The following BTRC variants were observed in gnomAD, a reference collection of about 807,000 sequenced individuals.
BTRC encodes F-box/WD repeat-containing protein 1A.
A neutral mutation model predicts 85.5 loss-of-function variants in BTRC; 42 were observed. The observed-to-expected ratio is 0.49, with a 90% CI of 0.38 to 0.64. BTRC has a LOEUF of 0.64. Among genes scored for constraint, BTRC ranks in the 30% least tolerant of loss-of-function variants. The pLI is 0.00. For synonymous variants in BTRC, 255 were observed against 263.3 expected, an observed-to-expected ratio of 0.97 and a Z score of 0.30; for missense variants, 594 against 743.5, an observed-to-expected ratio of 0.80 and a Z score of 2.34.
chr10:101,446,951 G>A (rs185082945), intron 2 of BTRC, among the ~76,000 whole-genome samples: 5 of 146,428 alleles, frequency 3.4e-5, no homozygotes, highest in Admixed American at 1.4e-4. Context: ...ATTTTTTTAT[G>A]TGTGTCCTCT....
chr10:101,366,098 CT>C (rs900399895), intron 1 of BTRC, among the ~76,000 whole-genome samples: 6 of 152,042 alleles, frequency 3.9e-5, no homozygotes, highest in Admixed American at 3.9e-4. Context: ...CATAAAACCC[CT>C]TTATGTATCC....
At chr10:101,403,533 GT>G (rs1368469541) in intron 1 of BTRC, among the ~76,000 whole-genome samples, 1 of 152,166 alleles carries the variant, frequency 6.6e-6, no homozygotes, top group Non-Finnish European at 1.5e-5. Flanking sequence ...CATCCAGTGA[GT>G]TTAAAAATTT....
rs1564729963 is a variant in BTRC, at chr10:101,366,860, T to TTAATATATATTTA, written c.48+12634_48+12635insATATATATTTATA. Among the ~76,000 whole-genome samples, 29 of 25,410 alleles carry TTAATATATATTTA rather than the reference T, an allele frequency of 1.1e-3. 5 individuals are homozygous for TTAATATATATTTA. The highest frequency in any genetic ancestry group is 2.9e-3 in the African/African-American group (29 of 9,890). The allele number at this position is 25,410 out of a possible 152,430, so 16.7% of individuals were successfully genotyped here. ...TATATTTATGTATATTAATATATAT[T>TTAATATATATTTA]TATATATTAATATATATTTATATAT... On this transcript the variant is annotated intron_variant, in intron 1 of 14. Coordinates refer to ENST00000370187, the MANE Select transcript of BTRC (RefSeq NM_033637.4).
chr10:101,366,934 AT>A, intron 1 of BTRC, among the ~76,000 whole-genome samples: 1 of 27,842 alleles, frequency 3.6e-5, no homozygotes, highest in South Asian at 7.7e-4. Flanking sequence ...ATATTTATAT[AT>A]ATTTATATAT....
intron 4 of BTRC, among the ~76,000 whole-genome samples, chr10:101,489,756 A>C (rs1001079474): frequency 5.3e-5 from 8 of 152,274 alleles, no homozygotes; most frequent in African/African-American, 1.9e-4. Context: ...TCATCTGACT[A>C]GTGTTTCTGC....
chr10:101,528,937 A>T (rs570593638), intron 6 of BTRC, among the ~76,000 whole-genome samples: 1 of 152,324 alleles, frequency 6.6e-6, no homozygotes, highest in African/African-American at 2.4e-5. Flanking sequence ...TGGATTTGAC[A>T]GTCTTCCCCT....
chr10:101,522,013 GCTTTTTT>G, intron 5 of BTRC, 143 bp downstream of exon 5: 1 of 80,792 alleles, frequency 1.2e-5, no homozygotes, highest in South Asian at 2.5e-4. Context: ...TTGATATAAA[GCTTTTTT>G]TTTTTTTTTT....
intron 4 of BTRC, among the ~76,000 whole-genome samples, chr10:101,498,819 C>T (rs890771520): frequency 2.0e-5 from 3 of 151,922 alleles, no homozygotes; most frequent in Non-Finnish European, 2.9e-5. Context: ...GGTGAAACCC[C>T]GTCTCTACTA....
chr10:101,379,362 C>G (rs1272721351), intron 1 of BTRC, among the ~76,000 whole-genome samples: 1 of 152,116 alleles, frequency 6.6e-6, no homozygotes, highest in Non-Finnish European at 1.5e-5. Flanking sequence ...TAAATGTGTT[C>G]TACTAATGTC....
At chr10:101,438,868 T>C (rs1202233211) in intron 2 of BTRC, among the ~76,000 whole-genome samples, 1 of 152,126 alleles carries the variant, frequency 6.6e-6, no homozygotes, top group East Asian at 1.9e-4. Context: ...TAACACAATA[T>C]TTGACCAAAA....
intron 4 of BTRC, among the ~76,000 whole-genome samples, chr10:101,510,458 C>G (rs977768880): frequency 6.6e-6 from 1 of 151,150 alleles, no homozygotes; most frequent in Non-Finnish European, 1.5e-5. Flanking sequence ...TGCAGTGAGC[C>G]GAGATCGCGC....
chr10:101,545,611 A>G (rs1053306027), intron 13 of BTRC, among the ~76,000 whole-genome samples: 2 of 152,230 alleles, frequency 1.3e-5, no homozygotes, highest in African/African-American at 2.4e-5. Context: ...ATGTGAAGAT[A>G]AAGGGAGAAG....
At chr10:101,510,990 C>T (rs1019141022) in intron 4 of BTRC, among the ~76,000 whole-genome samples, 2 of 152,178 alleles carry the variant, frequency 1.3e-5, no homozygotes, top group African/African-American at 4.8e-5. Flanking sequence ...CCCTCCCCAC[C>T]TTTCCAGCCC....
intron 1 of BTRC, among the ~76,000 whole-genome samples, chr10:101,403,927 T>TG (rs1943549041): frequency 6.7e-6 from 1 of 150,256 alleles, no homozygotes; most frequent in African/African-American, 2.5e-5. Flanking sequence ...GTTTCTTTGC[T>TG]GGTACTCTCT....
At chr10:101,400,913 A>G (rs1006083811) in intron 1 of BTRC, among the ~76,000 whole-genome samples, 3 of 151,848 alleles carry the variant, frequency 2.0e-5, no homozygotes, top group African/African-American at 7.3e-5. Context: ...ACTATCCTCC[A>G]TCTTTCAGAA....
intron 3 of BTRC, among the ~76,000 whole-genome samples, chr10:101,471,438 T>C (rs34711120): frequency 0.045 from 6,822 of 152,256 alleles, 216 homozygotes; most frequent in Non-Finnish European, 0.071. Flanking sequence ...ATCTGAGATA[T>C]ATAGGATTTT....
rs1351355768 is a variant in BTRC, at chr10:101,554,645, A to C, written c.*1522A>C. On this transcript the variant is annotated 3_prime_UTR_variant, in exon 15 of 15. Coordinates refer to ENST00000370187, the MANE Select transcript of BTRC (RefSeq NM_033637.4). ...TCCTCCTGACCTTATTTTGCTCTTC[A>C]CTCTCCCCAGCCAATAAAGCGTCTG... 1 of 152,302 alleles carries C rather than the reference A, an allele frequency of 6.6e-6. No individual in the cohort carries two copies. The highest frequency in any genetic ancestry group is 1.5e-5 in the Non-Finnish European group (1 of 67,984). 9.4% of individuals were successfully genotyped at this position (152,302 alleles called of 1,614,324 possible).
At chr10:101,407,939 G>A (rs1260714779) in intron 1 of BTRC, among the ~76,000 whole-genome samples, 2 of 151,130 alleles carry the variant, frequency 1.3e-5, no homozygotes, top group Non-Finnish European at 2.9e-5. Flanking sequence ...GGCCAGGATG[G>A]CCTCGATCTC....
intron 1 of BTRC, among the ~76,000 whole-genome samples, chr10:101,378,848 C>G (rs532196319): frequency 6.6e-5 from 10 of 152,130 alleles, no homozygotes; most frequent in Middle Eastern, 3.4e-3. Flanking sequence ...GGGAAAACAT[C>G]CGCTTTGAAG....
Sources: gnomAD v4.1 joint callset for allele counts (sites outside exome capture counted in the v4.1 genomes callset) on GRCh38, gnomAD v4.1.1 for gene constraint, MANE v1.5 for transcripts, NCBI Gene and HGNC (gene_info 2026-07-23, HGNC 2026-07-21) for gene names.